LIMCH1: variants seen among roughly 807,000 people sequenced by gnomAD.
The protein encoded by LIMCH1 is LIM and calponin homology domains 1.
A neutral mutation model predicts 176.5 loss-of-function variants in LIMCH1; 113 were observed. That is an observed-to-expected ratio of 0.64 (90% CI 0.55 to 0.75). LIMCH1 has a LOEUF of 0.75. LIMCH1 is among the 30% of genes least tolerant of loss of function. The pLI is 0.00. For synonymous variants in LIMCH1, 619 were observed against 645.9 expected, an observed-to-expected ratio of 0.96 and a Z score of 0.63; for missense variants, 1,674 against 1,814.9, an observed-to-expected ratio of 0.92 and a Z score of 1.41.
chr4:41,476,444 A>G (rs1385950361), intron 1 of LIMCH1, among the ~76,000 whole-genome samples: 2 of 152,202 alleles, frequency 1.3e-5, no homozygotes, highest in Non-Finnish European at 2.9e-5. Flanking sequence ...GAGCCTGAGC[A>G]AGGTTCACTC....
intron 2 of LIMCH1, among the ~76,000 whole-genome samples, chr4:41,496,378 G>A (rs1031581450): frequency 1.3e-5 from 2 of 152,194 alleles, no homozygotes; most frequent in Non-Finnish European, 2.9e-5. Context: ...TTTCCCCAGT[G>A]GGACTCTAGC....
At chr4:41,571,351 G>A (rs145091456) in intron 1 of LIMCH1, among the ~76,000 whole-genome samples, 24 of 152,190 alleles carry the variant, frequency 1.6e-4, no homozygotes, top group African/African-American at 2.9e-4. Flanking sequence ...TTTTGTCCTC[G>A]GAGCAGGGGA....
chr4:41,517,279 C>T (rs1277037618), intron 2 of LIMCH1, among the ~76,000 whole-genome samples: 1 of 152,160 alleles, frequency 6.6e-6, no homozygotes, highest in East Asian at 1.9e-4. Flanking sequence ...TTGGCCAGCA[C>T]TCTATTATAT....
At chr4:41,640,837 G>A (rs2093789418) in intron 14 of LIMCH1, among the ~76,000 whole-genome samples, 1 of 152,084 alleles carries the variant, frequency 6.6e-6, no homozygotes, top group Non-Finnish European at 1.5e-5. Flanking sequence ...CCTTTAAGGA[G>A]AATATAGGTC....
chr4:41,617,709 G>A (rs2092240936), intron 5 of LIMCH1, among the ~76,000 whole-genome samples: 1 of 152,086 alleles, frequency 6.6e-6, no homozygotes, highest in South Asian at 2.1e-4. Flanking sequence ...TGCCTTTAAC[G>A]TTTACAGTCT....
intron 26 of LIMCH1, among the ~76,000 whole-genome samples, chr4:41,683,062 A>C (rs1717614805): frequency 6.6e-6 from 1 of 152,142 alleles, no homozygotes. Flanking sequence ...CAAAGCCCCA[A>C]ACCTAAATAT....
At chr4:41,656,356 TC>T (rs1345897670) in intron 18 of LIMCH1, among the ~76,000 whole-genome samples, 3 of 152,200 alleles carry the variant, frequency 2.0e-5, no homozygotes, top group Non-Finnish European at 4.4e-5. Flanking sequence ...ACTGGTTTTC[TC>T]CATCTAGAAG....
intron 1 of LIMCH1, among the ~76,000 whole-genome samples, chr4:41,417,956 C>T (rs777566792): frequency 3.3e-5 from 5 of 151,942 alleles, no homozygotes; most frequent in Non-Finnish European, 5.9e-5. Flanking sequence ...AAGAAGTAGC[C>T]AAGAAATGAA....
At chr4:41,568,739 A>G (rs2083103366) in intron 1 of LIMCH1, among the ~76,000 whole-genome samples, 1 of 152,236 alleles carries the variant, frequency 6.6e-6, no homozygotes, top group Non-Finnish European at 1.5e-5. Context: ...GTTACTATGA[A>G]TAGTAAATAA....
Position 41,450,468 on chromosome 4 carries a change from A to C in LIMCH1, c.97-44068A>C, listed in dbSNP as rs552753087. Among the ~76,000 whole-genome samples, 3 of 152,034 alleles carry C rather than the reference A, an allele frequency of 2.0e-5. No individual in the cohort carries two copies. The South Asian group carries it at 6.2e-4, about 32-fold the overall frequency. On this transcript the variant is annotated intron_variant, in intron 1 of 26. Transcript: ENST00000313860. ...TAAATTTGCTGCATGAGTAGAGGGA[A>C]TCAAAGTTAAAGAACATTTAATTTA...
At chr4:41,438,280 G>A (rs532931933) in intron 1 of LIMCH1, among the ~76,000 whole-genome samples, 1 of 152,290 alleles carries the variant, frequency 6.6e-6, no homozygotes, top group South Asian at 2.1e-4. Context: ...AAAGGAACTT[G>A]TTCAGGCCAC....
chr4:41,451,644 A>G (rs999774040), intron 1 of LIMCH1, among the ~76,000 whole-genome samples: 1 of 152,144 alleles, frequency 6.6e-6, no homozygotes, highest in South Asian at 2.1e-4. Flanking sequence ...TTCATCTCAA[A>G]TCCTACAGCT....
At chr4:41,506,065 A>G (rs767187694) in intron 2 of LIMCH1, among the ~76,000 whole-genome samples, 18 of 152,120 alleles carry the variant, frequency 1.2e-4, no homozygotes, top group Admixed American at 3.9e-4. Flanking sequence ...TACAAATTCC[A>G]TCTTCCTAGG....
At chr4:41,651,679 G>C (rs796263094) in intron 18 of LIMCH1, among the ~76,000 whole-genome samples, 13 of 151,994 alleles carry the variant, frequency 8.6e-5, no homozygotes, top group African/African-American at 2.4e-4. Flanking sequence ...TTCCATCCCC[G>C]GCGATGTATA....
At chr4:41,564,235 A>T (rs900722332) in intron 1 of LIMCH1, among the ~76,000 whole-genome samples, 1 of 152,318 alleles carries the variant, frequency 6.6e-6, no homozygotes, top group South Asian at 2.1e-4. Flanking sequence ...AACTTGCCCA[A>T]GGTGGTAGAC....
chr4:41,409,299 G>T (rs2059266506), intron 1 of LIMCH1, among the ~76,000 whole-genome samples: 1 of 152,104 alleles, frequency 6.6e-6, no homozygotes, highest in African/African-American at 2.4e-5. Context: ...TGTGTGGCTT[G>T]AATTTTGAGT....
intron 1 of LIMCH1, among the ~76,000 whole-genome samples, chr4:41,374,063 C>A (rs115741647): frequency 0.022 from 3,344 of 152,220 alleles, 120 homozygotes; most frequent in African/African-American, 0.077. Context: ...GCCAATTAAA[C>A]CTTTTTTCTT....
At chr4:41,621,502 TA>T (rs1176820539) in intron 7 of LIMCH1, among the ~76,000 whole-genome samples, 2 of 109,258 alleles carry the variant, frequency 1.8e-5, no homozygotes, top group Non-Finnish European at 4.2e-5. Flanking sequence ...CTGTTCCATT[TA>T]ATTTTTTTTT....
At chr4:41,554,440 G>A (rs1367181712) in intron 1 of LIMCH1, among the ~76,000 whole-genome samples, 1 of 152,186 alleles carries the variant, frequency 6.6e-6, no homozygotes, top group East Asian at 1.9e-4. Context: ...TGTTGTTTCT[G>A]GACTATTCAT....
Sources: gnomAD v4.1 joint callset for allele counts (sites outside exome capture counted in the v4.1 genomes callset) on GRCh38, gnomAD v4.1.1 for gene constraint, MANE v1.5 for transcripts, NCBI Gene and HGNC (gene_info 2026-07-23, HGNC 2026-07-21) for gene names.